MALRD1: variants seen among roughly 807,000 people sequenced by gnomAD.
MALRD1 encodes the protein MAM and LDL receptor class A domain containing 1, also known as MAM and LDL-receptor class A domain-containing protein 1.
A neutral mutation model predicts 242.1 loss-of-function variants in MALRD1; 247 were observed. That is an observed-to-expected ratio of 1.02 (90% confidence interval 0.92 to 1.13). MALRD1 has a LOEUF of 1.13. Ranked by LOEUF, MALRD1 falls within the 50% of genes most tolerant of loss-of-function variation. The pLI is 0.00. For missense variants in MALRD1, 2,989 were observed against 2,533.1 expected, an observed-to-expected ratio of 1.18 and a Z score of -3.86; for synonymous variants, 995 against 866.6, an observed-to-expected ratio of 1.15 and a Z score of -2.60.
In MALRD1 at chr10:19,128,312, G is replaced by A; in HGVS notation, c.1035G>A (p.Leu345=). 1.6e-6 allele frequency: 2 copies of A among 1,233,414 alleles called. No individual in the cohort carries two copies. Among genetic ancestry groups the A allele is most frequent in the Admixed American group, 8.4e-5 (2 of 23,706 alleles). The allele number at this position is 1,233,414 out of a possible 1,614,324, so 76.4% of individuals were successfully genotyped here. ...TAAATAGCTCTGTGTGTCATTGCCT[G>A]GGCAAGAGCTGTCATCTTCAATTCT... ...AYLNSSVCHC[L]GKSCHLQFYY... is the part of the protein sequence containing the mutation. Residue 345 remains leucine, a synonymous_variant, in exon 8 of 40, where the codon CTG becomes CTA. Coordinates refer to ENST00000454679, the MANE Select transcript of MALRD1 (RefSeq NM_001142308.3).
At chr10:19,359,081 T>C (rs1588962739) in intron 26 of MALRD1, among the ~76,000 whole-genome samples, 1 of 152,228 alleles carries the variant, frequency 6.6e-6, no homozygotes, top group East Asian at 1.9e-4. Context: ...AAAGAAGAAA[T>C]TATAGTTTTG....
At chr10:19,163,365 G>C (rs1056107792) in intron 12 of MALRD1, among the ~76,000 whole-genome samples, 1 of 151,952 alleles carries the variant, frequency 6.6e-6, no homozygotes, top group Non-Finnish European at 1.5e-5. Context: ...CGTGGATGGA[G>C]CTGGAGGCCA....
At chr10:19,724,299 C>G (rs2064344697) in intron 38 of MALRD1, among the ~76,000 whole-genome samples, 1 of 152,152 alleles carries the variant, frequency 6.6e-6, no homozygotes, top group South Asian at 2.1e-4. Context: ...GAAATTAAAT[C>G]ACCCATTTAT....
Position 19,615,516 on chromosome 10 carries a change from C to CAAAAAA in MALRD1, c.6071-327_6071-322dup, listed in dbSNP as rs530920512. On this transcript the variant is annotated intron_variant, in intron 35 of 39. Transcript: ENST00000454679. ...TGAATGACAGAGCAAGACCCTGCCTCAAAAAAAAAAAAAAAAAAAGAGGAA... is the reference window on the plus strand; with the variant it reads ...TGAATGACAGAGCAAGACCCTGCCTCAAAAAAAAAAAAAAAAAAAAAAAAAGAGGAA... 1.6e-4 allele frequency among the ~76,000 whole-genome samples: 6 copies of CAAAAAA among 37,230 alleles called. 1 individual carries two copies. The highest frequency in any genetic ancestry group is 4.2e-4 in the African/African-American group (3 of 7,072). The allele number at this position is 37,230 out of a possible 152,430, so 24.4% of individuals were successfully genotyped here. A position where few individuals can be genotyped will look rare whatever the true frequency, so the allele number is the denominator to read the frequency against.
chr10:19,386,977 T>C (rs1846107471), intron 26 of MALRD1, among the ~76,000 whole-genome samples: 2 of 152,176 alleles, frequency 1.3e-5, no homozygotes, highest in South Asian at 4.1e-4. Flanking sequence ...GTCCAAATTA[T>C]AGACAAATAA....
intron 18 of MALRD1, among the ~76,000 whole-genome samples, chr10:19,237,302 C>T (rs942047128): frequency 6.6e-6 from 1 of 151,032 alleles, no homozygotes; most frequent in Non-Finnish European, 1.5e-5. Flanking sequence ...CCCACTTCTT[C>T]CTCACTGTTT....
chr10:19,389,928 C>G (rs2130815981), intron 28 of MALRD1, among the ~76,000 whole-genome samples: 1 of 152,272 alleles, frequency 6.6e-6, no homozygotes, highest in South Asian at 2.1e-4. Context: ...TCTCAAAGTG[C>G]TGGGACTACA....
Position 19,607,805 on chromosome 10 carries a change from G to C in MALRD1, c.5973G>C (p.Leu1991=). ...ACAAAAGCTGTTCTAATGGAGCTCT[G>C]GTGTGTGCCTCCTCCAACAGCTGTA... is the stretch of plus-strand genomic sequence containing the variant. ...CSNKSCSNGA[L]VCASSNSCIP... The change falls in exon 35 of 40, where the codon CTG becomes CTC. Residue 1991 remains leucine, a synonymous_variant. Coordinates refer to ENST00000454679, the MANE Select transcript of MALRD1 (RefSeq NM_001142308.3). The C allele has an allele frequency of 1.9e-6, 3 of 1,549,210 alleles. No homozygotes were observed. The highest frequency in any genetic ancestry group is 2.6e-6 in the Non-Finnish European group (3 of 1,146,362).
At chr10:19,447,085 CACACACACACACACACAG>C (rs1826253013) in intron 28 of MALRD1, among the ~76,000 whole-genome samples, 1 of 136,092 alleles carries the variant, frequency 7.3e-6, no homozygotes, top group Non-Finnish European at 1.6e-5. Context: ...CACACACACA[CACACACACACACACACAG>C]AGCATGAGCA....
Position 19,331,357 on chromosome 10 carries a change from TTTTTTTTTTAGA to T in MALRD1, c.3688-9_3690del, listed in dbSNP as rs1297299867. On this transcript the variant is annotated splice_acceptor_variant and splice_polypyrimidine_tract_variant and coding_sequence_variant and intron_variant, in exon 24 of 40. Coordinates refer to ENST00000454679, the MANE Select transcript of MALRD1 (RefSeq NM_001142308.3). LOFTEE classifies it high-confidence loss of function. ...GATTGACAGTTTAACTGTAACTGGC[TTTTTTTTTTAGA>T]TTGTCTTCAGAGCCAAACGTGGTAT... The T allele has an allele frequency of 1.5e-5, 18 of 1,184,178 alleles. No homozygotes were observed. The highest frequency in any genetic ancestry group is 2.1e-5 in the Non-Finnish European group (18 of 867,194). The allele number at this position is 1,184,178 out of a possible 1,614,324, so 73.4% of individuals were successfully genotyped here. A position where few individuals can be genotyped will look rare whatever the true frequency, so the allele number is the denominator to read the frequency against.
chr10:19,489,021 G>T (rs552047496), intron 29 of MALRD1: 1 of 456,282 alleles, frequency 2.2e-6, no homozygotes, highest in African/African-American at 2.0e-5. Context: ...ACCATCCCCC[G>T]CCAGGGGTCT....
chr10:19,682,411 G>T (rs1842410306), intron 36 of MALRD1, among the ~76,000 whole-genome samples: 2 of 152,192 alleles, frequency 1.3e-5, no homozygotes, highest in Non-Finnish European at 2.9e-5. Flanking sequence ...TAGAATTTAA[G>T]AAAGATTTGA....
At chr10:19,326,941 A>G (rs1415569080) in intron 22 of MALRD1, among the ~76,000 whole-genome samples, 1 of 152,042 alleles carries the variant, frequency 6.6e-6, no homozygotes, top group Non-Finnish European at 1.5e-5. Context: ...CTCATTTTGT[A>G]TCATTCTAAA....
At chr10:19,351,127 T>C (rs1183637124) in intron 25 of MALRD1, among the ~76,000 whole-genome samples, 3 of 152,218 alleles carry the variant, frequency 2.0e-5, no homozygotes, top group Non-Finnish European at 4.4e-5. Flanking sequence ...ATTTTTCTTC[T>C]TGTAGAGTAT....
At chr10:19,725,307 G>A (rs1452389981) in intron 38 of MALRD1, among the ~76,000 whole-genome samples, 1 of 152,140 alleles carries the variant, frequency 6.6e-6, no homozygotes, top group Non-Finnish European at 1.5e-5. Context: ...TAGTGAGTAA[G>A]TTCTCACAAG....
chr10:19,584,240 T>C (rs948252199), intron 33 of MALRD1, among the ~76,000 whole-genome samples: 1 of 152,158 alleles, frequency 6.6e-6, no homozygotes, highest in African/African-American at 2.4e-5. Flanking sequence ...TCTGCTCTGA[T>C]TTTGGTTATT....
rs76454505 is a variant in MALRD1, at chr10:19,495,984, G to C, written c.5159-2501G>C. On this transcript the variant is annotated intron_variant, in intron 30 of 39. Coordinates refer to ENST00000454679, the MANE Select transcript of MALRD1 (RefSeq NM_001142308.3). ...AAGATCAAGAAAGACAATGACTGTA[G>C]ATATGGTAAAGGATTCAATTCAACA... 2.4e-3 allele frequency among the ~76,000 whole-genome samples: 360 copies of C among 152,050 alleles called. 6 individuals carry two copies. In the East Asian group the frequency reaches 0.049, roughly 21 times the overall value.
chr10:19,106,579 A>C (rs528843436), intron 5 of MALRD1, among the ~76,000 whole-genome samples: 1 of 151,770 alleles, frequency 6.6e-6, no homozygotes, highest in African/African-American at 2.4e-5. Context: ...TTTTAAAAAA[A>C]CAACTTTTTG....
intron 24 of MALRD1, among the ~76,000 whole-genome samples, chr10:19,341,215 T>A (rs527257591): frequency 1.3e-5 from 2 of 152,086 alleles, no homozygotes; most frequent in Non-Finnish European, 2.9e-5. Context: ...TTCATATGCA[T>A]GTATTTGCCT....
Sources: allele counts gnomAD v4.1 joint callset (sites outside exome capture counted in the v4.1 genomes callset), GRCh38; gene constraint gnomAD v4.1.1; transcripts MANE v1.5; gene names NCBI Gene and HGNC (gene_info 2026-07-23, HGNC 2026-07-21).